Variants in CA8 observed in about 807,000 individuals in gnomAD.
The protein encoded by CA8 is carbonic anhydrase-related protein.
Under a neutral mutation model 41.4 loss-of-function variants are expected in CA8, and 22 were observed. That is an observed-to-expected ratio of 0.53 (90% CI 0.38 to 0.76). CA8 has a LOEUF of 0.76. CA8 is among the 30% of genes least tolerant of loss of function. CA8 has a pLI of 0.00. For missense variants in CA8, 270 were observed against 352.8 expected, an observed-to-expected ratio of 0.77 and a Z score of 1.88; for synonymous variants, 121 against 130.6, an observed-to-expected ratio of 0.93 and a Z score of 0.50.
At chr8:60,271,426 T>C (rs1804069524) in intron 2 of CA8, among the ~76,000 whole-genome samples, 1 of 152,214 alleles carries the variant, frequency 6.6e-6, no homozygotes, top group Non-Finnish European at 1.5e-5. Flanking sequence ...AGATAGAGCC[T>C]CTTCTTCAGT....
At chr8:60,238,290 G>A (rs191883422) in intron 3 of CA8, among the ~76,000 whole-genome samples, 49 of 152,182 alleles carry the variant, frequency 3.2e-4, no homozygotes, top group Admixed American at 1.6e-3. Context: ...ATAATACGAC[G>A]GCAGCAAAGT....
intron 3 of CA8, among the ~76,000 whole-genome samples, chr8:60,264,366 C>G (rs1178018070): frequency 6.6e-6 from 1 of 152,194 alleles, no homozygotes; most frequent in Non-Finnish European, 1.5e-5. Context: ...CCTTTCAAAC[C>G]CAAAGAGGGA....
intron 3 of CA8, among the ~76,000 whole-genome samples, chr8:60,247,648 T>C (rs1283430512): frequency 6.6e-6 from 1 of 152,216 alleles, no homozygotes; most frequent in Admixed American, 6.5e-5. Context: ...CTTTATCCAG[T>C]CTTTCATTGA....
At chr8:60,266,922 A>G (rs748298921) in intron 2 of CA8, among the ~76,000 whole-genome samples, 1 of 152,226 alleles carries the variant, frequency 6.6e-6, no homozygotes, top group Non-Finnish European at 1.5e-5. Flanking sequence ...CCAATTCTGA[A>G]CAGTATCAGC....
intron 7 of CA8, among the ~76,000 whole-genome samples, chr8:60,221,901 A>C (rs1807264479): frequency 6.6e-6 from 1 of 152,180 alleles, no homozygotes; most frequent in African/African-American, 2.4e-5. Flanking sequence ...ATCAAAGAAA[A>C]CTGGTTTGCT....
chr8:60,269,565 G>GA (rs1315112451), intron 2 of CA8, among the ~76,000 whole-genome samples: 7 of 152,160 alleles, frequency 4.6e-5, no homozygotes, highest in African/African-American at 1.2e-4. Flanking sequence ...TGTAAGATCT[G>GA]AAAACCCTAT....
intron 3 of CA8, among the ~76,000 whole-genome samples, chr8:60,264,089 T>C (rs138073806): frequency 1.6e-3 from 239 of 152,334 alleles, no homozygotes; most frequent in African/African-American, 5.6e-3. Context: ...AACAAACCAT[T>C]ACCTGTGCTT....
rs1389202557 is a variant in CA8 at position 60,226,745 on chromosome 8, C to A, written c.576+128G>T. On this transcript the variant is annotated intron_variant, in intron 5 of 8. Transcript: ENST00000317995. ...ACCTATTTCTTTTCACTGTAATAAA[C>A]CATAACCACAAGGACAGCAGCTTTT... The A allele has an allele frequency of 1.0e-5, 7 of 683,174 alleles. No homozygotes were observed. In the African/African-American group the frequency reaches 1.1e-4, roughly 11 times the overall value. 42.3% of individuals were successfully genotyped at this position (683,174 alleles called of 1,614,324 possible).
rs141911434 is a variant in CA8, at chr8:60,220,183, C to T, written c.738+2466G>A. On this transcript the variant is annotated intron_variant, in intron 7 of 8. Coordinates refer to ENST00000317995, the MANE Select transcript of CA8 (RefSeq NM_004056.6). ...AGGCAAATCAGAAAAGAAAAGAAGG[C>T]GTTCATCATGGTAGGGGCCTCAAGG... 3.1e-3 allele frequency among the ~76,000 whole-genome samples: 467 copies of T among 152,154 alleles called. 2 individuals carry two copies. The highest frequency in any genetic ancestry group is 4.2e-3 in the Non-Finnish European group (287 of 68,020).
chr8:60,220,693 C>A (rs1004032867), intron 7 of CA8, among the ~76,000 whole-genome samples: 3 of 152,132 alleles, frequency 2.0e-5, no homozygotes, highest in Non-Finnish European at 4.4e-5. Context: ...TGAGCTATGG[C>A]GCCAGGAATT....
intron 3 of CA8, among the ~76,000 whole-genome samples, chr8:60,256,085 C>G (rs1808626242): frequency 6.6e-6 from 1 of 151,788 alleles, no homozygotes. Flanking sequence ...TTTTTTGTAT[C>G]TTTTAGTAGA....
intron 3 of CA8, 146 bp from the exon 4 acceptor site, chr8:60,232,525 A>T (rs1807689516): frequency 1.4e-6 from 1 of 718,974 alleles, no homozygotes; most frequent in South Asian, 1.5e-5. Flanking sequence ...CTGGCTTAAT[A>T]CGAGTTCTCT....
At chr8:60,237,570 GC>G (rs996426150) in intron 3 of CA8, among the ~76,000 whole-genome samples, 63 of 152,336 alleles carry the variant, frequency 4.1e-4, no homozygotes, top group African/African-American at 1.5e-3. Context: ...GCAGGACCCT[GC>G]CCCACAGGCC....
At chr8:60,194,183 T>C (rs962731777) in intron 8 of CA8, among the ~76,000 whole-genome samples, 5 of 152,206 alleles carry the variant, frequency 3.3e-5, no homozygotes, top group Admixed American at 2.0e-4. Flanking sequence ...TGACAGTTTT[T>C]CTCTTCTTAC....
chr8:60,203,722 G>T (rs892631052), intron 8 of CA8, among the ~76,000 whole-genome samples: 1 of 152,018 alleles, frequency 6.6e-6, no homozygotes, highest in Non-Finnish European at 1.5e-5. Flanking sequence ...GATTTCCAAT[G>T]ATTTCTGCAC....
chr8:60,192,957 A>G (rs183257629), intron 8 of CA8, among the ~76,000 whole-genome samples: 3 of 151,506 alleles, frequency 2.0e-5, no homozygotes, highest in Admixed American at 2.0e-4. Context: ...ACACACACAC[A>G]CACACACACA....
At chr8:60,226,262 T>C (rs1807434481) in intron 5 of CA8, among the ~76,000 whole-genome samples, 1 of 152,056 alleles carries the variant, frequency 6.6e-6, no homozygotes, top group African/African-American at 2.4e-5. Flanking sequence ...GACTAACTCT[T>C]TGCTCCTGGG....
rs893278324 is a variant in CA8, at chr8:60,188,222, G to A, written c.*1799C>T. The A allele has an allele frequency of 6.6e-6, 1 of 152,156 alleles. No homozygotes were observed. Among genetic ancestry groups the A allele is most frequent in the African/African-American group, 2.4e-5 (1 of 41,442 alleles). 9.4% of individuals were successfully genotyped at this position (152,156 alleles called of 1,614,324 possible). A position where few individuals can be genotyped will look rare whatever the true frequency, so the allele number is the denominator to read the frequency against. Reference sequence around the variant, plus strand: ...AAGGGTGAAGTCTGAACAACTAGATGTTATCCTGAAAGTCATTTAATTACT... The same window carrying A: ...AAGGGTGAAGTCTGAACAACTAGATATTATCCTGAAAGTCATTTAATTACT... On this transcript the variant is annotated 3_prime_UTR_variant, in exon 9 of 9. Coordinates refer to ENST00000317995, the MANE Select transcript of CA8 (RefSeq NM_004056.6).
intron 7 of CA8, 50 bp from the exon 8 acceptor site, chr8:60,208,969 C>T (rs375700908): frequency 1.9e-6 from 3 of 1,584,960 alleles, no homozygotes; most frequent in Non-Finnish European, 2.6e-6. Context: ...CGGACATTAA[C>T]AAGATTGGAG....
Sources: allele counts gnomAD v4.1 joint callset (sites outside exome capture counted in the v4.1 genomes callset), GRCh38; gene constraint gnomAD v4.1.1; transcripts MANE v1.5; gene names NCBI Gene and HGNC (gene_info 2026-07-23, HGNC 2026-07-21).